Variants in MKLN1 observed in about 807,000 individuals in gnomAD.
MKLN1 encodes the protein muskelin.
In MKLN1, 18 loss-of-function variants were observed where a neutral mutation model predicts 99.0. The ratio of observed to expected loss-of-function variants is 0.18; its 90% CI spans 0.13 to 0.27. The LOEUF (loss-of-function observed/expected upper bound fraction) is 0.27. Ranked by LOEUF, MKLN1 falls within the 10% of genes least tolerant of loss-of-function variation. MKLN1 has a pLI of 1.00. For missense variants in MKLN1, 621 were observed against 875.9 expected (o/e 0.71, Z 3.67); for synonymous variants, 288 against 293.2 (o/e 0.98, Z 0.18).
intron 3 of MKLN1, among the ~76,000 whole-genome samples, chr7:131,220,087 A>G (rs958668621): frequency 1.3e-5 from 2 of 152,214 alleles, no homozygotes; most frequent in Admixed American, 6.5e-5. Flanking sequence ...GCCTGAGATC[A>G]GTCTTACCAA....
At chr7:131,273,125 G>C (rs1453042044) in intron 3 of MKLN1, among the ~76,000 whole-genome samples, 1 of 152,202 alleles carries the variant, frequency 6.6e-6, no homozygotes, top group African/African-American at 2.4e-5. Flanking sequence ...CACCCAGCTA[G>C]AACTTGGCAG....
intron 1 of MKLN1, among the ~76,000 whole-genome samples, chr7:131,373,080 G>C (rs1793518728): frequency 6.6e-6 from 1 of 151,838 alleles, no homozygotes; most frequent in Non-Finnish European, 1.5e-5. Context: ...TTTAAAGGAT[G>C]TACATATTTG....
chr7:131,213,665 G>A (rs1796938867), intron 3 of MKLN1, among the ~76,000 whole-genome samples: 1 of 152,164 alleles, frequency 6.6e-6, no homozygotes, highest in South Asian at 2.1e-4. Flanking sequence ...CCTAAGGGAG[G>A]AACTACAGGT....
At chr7:131,264,299 G>A (rs538092051) in intron 3 of MKLN1, among the ~76,000 whole-genome samples, 41 of 152,184 alleles carry the variant, frequency 2.7e-4, no homozygotes, top group East Asian at 2.1e-3. Context: ...TTAGATTACC[G>A]AATAAAAAAT....
At chr7:131,193,490 T>C (rs1389184057) in intron 2 of MKLN1, among the ~76,000 whole-genome samples, 1 of 152,064 alleles carries the variant, frequency 6.6e-6, no homozygotes, top group African/African-American at 2.4e-5. Flanking sequence ...CTCAGCCTCC[T>C]GGAGTAGCTG....
intron 1 of MKLN1, among the ~76,000 whole-genome samples, chr7:131,359,550 C>T (rs1026900227): frequency 6.6e-6 from 1 of 152,040 alleles, no homozygotes; most frequent in African/African-American, 2.4e-5. Context: ...TGAGCTTCTG[C>T]CTGCTGAGTC....
chr7:131,176,005 C>T (rs773304911), intron 2 of MKLN1, among the ~76,000 whole-genome samples: 4 of 152,086 alleles, frequency 2.6e-5, no homozygotes, highest in Non-Finnish European at 5.9e-5. Context: ...ATTATTTTAT[C>T]CCTGGTTTGT....
intron 16 of MKLN1, among the ~76,000 whole-genome samples, chr7:131,477,742 A>G (rs748640146): frequency 6.6e-5 from 10 of 152,228 alleles, no homozygotes; most frequent in Non-Finnish European, 1.0e-4. Context: ...TTAATATCTG[A>G]AATGTTAAAG....
intron 3 of MKLN1, among the ~76,000 whole-genome samples, chr7:131,291,328 A>G (rs528039375): frequency 1.3e-5 from 2 of 150,988 alleles, no homozygotes; most frequent in Admixed American, 1.3e-4. Flanking sequence ...ATGGGGTTTC[A>G]TCATGTTGGC....
At chr7:131,289,007 G>A (rs1798175474) in intron 3 of MKLN1, among the ~76,000 whole-genome samples, 1 of 152,138 alleles carries the variant, frequency 6.6e-6, no homozygotes, top group Admixed American at 6.5e-5. Flanking sequence ...TAAAGTAGAA[G>A]TAAATGGGGG....
rs1795661362 is a variant in MKLN1, at chr7:131,137,188, C to T, written c.-418-5632C>T. Among the ~76,000 whole-genome samples, 4 of 152,088 alleles carry T rather than the reference C, an allele frequency of 2.6e-5. No individual in the cohort carries two copies. The South Asian group carries it at 6.2e-4, about 24-fold the overall frequency. Reference sequence around the variant, plus strand: ...TTTCTATCCTGTGCATCTAGAATAGCGCCTGTACAGTTTGAGCACATTATC... The same window carrying T: ...TTTCTATCCTGTGCATCTAGAATAGTGCCTGTACAGTTTGAGCACATTATC... On this transcript the variant is annotated intron_variant, in intron 1 of 7. Coordinates refer to the MKLN1 transcript ENST00000416992.
At chr7:131,252,308 G>A (rs929545918) in intron 3 of MKLN1, among the ~76,000 whole-genome samples, 2 of 149,440 alleles carry the variant, frequency 1.3e-5, no homozygotes, top group Non-Finnish European at 3.0e-5. Context: ...GGGGATCATA[G>A]TGAAAGGACT....
At chr7:131,340,099 A>G (rs1018095380) in intron 1 of MKLN1, among the ~76,000 whole-genome samples, 2 of 151,970 alleles carry the variant, frequency 1.3e-5, no homozygotes, top group Admixed American at 1.3e-4. Context: ...TTCCATCAGA[A>G]AAGTCATAAA....
intron 3 of MKLN1, chr7:131,309,601 C>A (rs1006739369): frequency 6.6e-6 from 1 of 151,908 alleles, no homozygotes; most frequent in African/African-American, 2.4e-5. Flanking sequence ...TTAGTAGAGA[C>A]AGGGTTTCGC....
chr7:131,147,762 G>T (rs1795835950), intron 2 of MKLN1, among the ~76,000 whole-genome samples: 1 of 152,096 alleles, frequency 6.6e-6, no homozygotes, highest in Admixed American at 6.5e-5. Context: ...GCCTTGTCTG[G>T]TTCCCCAAAG....
chr7:131,306,206 T>G (rs951945385), intron 3 of MKLN1, among the ~76,000 whole-genome samples: 19 of 152,192 alleles, frequency 1.2e-4, no homozygotes, highest in African/African-American at 3.9e-4. Flanking sequence ...AAACCTCCTT[T>G]CTTCATAAAT....
chr7:131,464,459 C>A, intron 14 of MKLN1, 51 bp downstream of exon 14: 1 of 1,033,452 alleles, frequency 9.7e-7, no homozygotes, highest in Non-Finnish European at 1.5e-6. Flanking sequence ...CTATCTGAAA[C>A]AATCCCCAAA....
At chr7:131,150,485 TCAAACAAA>T (rs537251791) in intron 2 of MKLN1, among the ~76,000 whole-genome samples, 26 of 152,002 alleles carry the variant, frequency 1.7e-4, no homozygotes, top group Non-Finnish European at 2.5e-4. Flanking sequence ...AGACCCTGTC[TCAAACAAA>T]CAAACAAACA....
At chr7:131,296,647 G>A (rs1199516834) in intron 3 of MKLN1, among the ~76,000 whole-genome samples, 4 of 152,100 alleles carry the variant, frequency 2.6e-5, no homozygotes, top group Admixed American at 1.3e-4. Context: ...CTAATTACTC[G>A]GGAAGCTAAA....
Sources: gnomAD v4.1 joint callset for allele counts (sites outside exome capture counted in the v4.1 genomes callset) on GRCh38, gnomAD v4.1.1 for gene constraint, MANE v1.5 for transcripts, NCBI Gene and HGNC (gene_info 2026-07-23, HGNC 2026-07-21) for gene names.